The following CELF5 variants were observed in gnomAD, a reference collection of about 807,000 sequenced individuals.
CELF5 encodes CUGBP Elav-like family member 5, also known as CUG-BP and ETR-3 like factor 5.
In CELF5, 6 loss-of-function variants were observed where a neutral mutation model predicts 54.9. The ratio of observed to expected loss-of-function variants is 0.11; its 90% confidence interval spans 0.06 to 0.22. CELF5 has a LOEUF of 0.22. Ranked by LOEUF, CELF5 falls within the 10% of genes least tolerant of loss-of-function variation. The pLI is 1.00. For missense variants in CELF5, 401 were observed against 678.6 expected, an observed-to-expected ratio of 0.59 and a Z score of 4.54; for synonymous variants, 271 against 290.9, an observed-to-expected ratio of 0.93 and a Z score of 0.70.
intron 2 of CELF5, among the ~76,000 whole-genome samples, chr19:3,254,280 C>T (rs2079689066): frequency 6.6e-6 from 1 of 151,984 alleles, no homozygotes; most frequent in African/African-American, 2.4e-5. Context: ...ATGCACCTTT[C>T]CATCCACCCA....
At chr19:3,231,672 A>G (rs973292624) in intron 1 of CELF5, among the ~76,000 whole-genome samples, 1 of 140,446 alleles carries the variant, frequency 7.1e-6, no homozygotes, top group Non-Finnish European at 1.5e-5. Flanking sequence ...GGGTGAATGG[A>G]TGAGCAGGTG....
In CELF5 at chr19:3,260,119, T is replaced by C. The variant is rs185977893; in HGVS notation, c.342+9052T>C. ...CATGCAGTCTATGTATTTCTATTTTTCTTTTTTTATTTATTGAGACAGAGT... is the reference window on the plus strand; with the variant it reads ...CATGCAGTCTATGTATTTCTATTTTCCTTTTTTTATTTATTGAGACAGAGT... On this transcript the variant is annotated intron_variant, in intron 2 of 12. Transcript: ENST00000292672. Among the ~76,000 whole-genome samples, 226 of 152,320 alleles carry C rather than the reference T, an allele frequency of 1.5e-3. 1 individual carries two copies. Among genetic ancestry groups the C allele is most frequent in the Admixed American group, 0.013 (204 of 15,292 alleles).
At chr19:3,261,692 G>A (rs2079808702) in intron 2 of CELF5, among the ~76,000 whole-genome samples, 1 of 151,858 alleles carries the variant, frequency 6.6e-6, no homozygotes, top group South Asian at 2.1e-4. Flanking sequence ...ATGGTGGCAT[G>A]TACCTGTAGT....
rs1568359855 is a variant in CELF5, at chr19:3,281,383, GTCTC to G, written c.750+43_750+46del. ...GTGACAGCTTCGGGGCTCCGGCTCC[GTCTC>G]TCTCAGTCTCTGTCTACTCTCTGTC... On this transcript the variant is annotated intron_variant, in intron 6 of 12. Coordinates refer to ENST00000292672, the MANE Select transcript of CELF5 (RefSeq NM_021938.4). This position sits in a 1 kb window ranked among gnomAD's most constrained non-coding sequence, Gnocchi z 6.5. The G allele has an allele frequency of 6.4e-7, 1 of 1,570,292 alleles. No individual in the cohort carries two copies. The highest frequency in any genetic ancestry group is 8.6e-7 in the Non-Finnish European group (1 of 1,156,144).
chr19:3,265,084 C>G (rs931709375), intron 2 of CELF5, among the ~76,000 whole-genome samples: 3 of 152,100 alleles, frequency 2.0e-5, no homozygotes, highest in African/African-American at 7.2e-5. Context: ...CACCTGTAAT[C>G]CCGGTGCTTT....
At chr19:3,265,575 C>A (rs2145197808) in intron 2 of CELF5, among the ~76,000 whole-genome samples, 1 of 152,238 alleles carries the variant, frequency 6.6e-6, no homozygotes. Context: ...GACACTCCCA[C>A]CCACGCCATG....
At chr19:3,285,587 G>A (rs2080228677) in intron 9 of CELF5, among the ~76,000 whole-genome samples, 1 of 118,024 alleles carries the variant, frequency 8.5e-6, no homozygotes, top group Non-Finnish European at 1.7e-5. Context: ...CGCCCACTCT[G>A]GACTGTCCTG....
rs763122365 is a variant in CELF5 at position 3,282,355 on chromosome 19, T to C, written c.896T>C (p.Leu299Pro). 6.2e-7 allele frequency: 1 copy of C among 1,609,376 alleles called. No homozygotes were observed. The highest frequency in any genetic ancestry group is 8.5e-7 in the Non-Finnish European group (1 of 1,179,966). ...PATPIAPASGLHSPPLLGTTA... is the reference protein window; with the variant it reads ...PATPIAPASGPHSPPLLGTTA... ...ATGACCCTCTTCCGCTCTGCAGGGCTGCACTCACCCCCGCTGCTGGGCACC... is the reference window on the plus strand; with the variant it reads ...ATGACCCTCTTCCGCTCTGCAGGGCCGCACTCACCCCCGCTGCTGGGCACC... The change falls in exon 8 of 13, where the codon CTG becomes CCG. Residue 299 changes from leucine (L) to proline (P), a missense_variant. By Grantham distance (98) the Leu-to-Pro change is moderately conservative (BLOSUM62 -3). Transcript: ENST00000292672. The surrounding 1 kb of genome is among the most constrained non-coding windows in gnomAD (Gnocchi z 5.2).
rs1303133155 is a variant in CELF5, at chr19:3,224,785, C to T, written c.46C>T (p.Leu16Phe). 12 of 1,490,286 alleles carry T rather than the reference C, an allele frequency of 8.1e-6. No individual in the cohort carries two copies. Among genetic ancestry groups the T allele is most frequent in the Admixed American group, 4.8e-5 (2 of 42,020 alleles). The allele number at this position is 1,490,286 out of a possible 1,614,324, so 92.3% of individuals were successfully genotyped here. ...ESEARRQQQQ[L>F]LQPRPSPVGS... The stretch of plus-strand genomic sequence containing the variant: ...CGAGGCGCGCCGGCAGCAGCAGCAG[C>T]TCCTGCAGCCGCGGCCCTCGCCCGT... Residue 16 changes from leucine (L) to phenylalanine (F), a missense_variant, in exon 1 of 13, where the codon CTC becomes TTC. Coordinates refer to ENST00000292672, the MANE Select transcript of CELF5 (RefSeq NM_021938.4).
At chr19:3,272,730 A>T (rs923410359) in intron 2 of CELF5, among the ~76,000 whole-genome samples, 25 of 152,040 alleles carry the variant, frequency 1.6e-4, no homozygotes, top group African/African-American at 5.8e-4. Flanking sequence ...AGGGAGGGGG[A>T]GGAAGGAGCC....
At chr19:3,263,144 G>C (rs2079828959) in intron 2 of CELF5, among the ~76,000 whole-genome samples, 1 of 151,140 alleles carries the variant, frequency 6.6e-6, no homozygotes, top group South Asian at 2.1e-4. Flanking sequence ...CTACTCAGGA[G>C]GCTGAGGCAT....
intron 1 of CELF5, among the ~76,000 whole-genome samples, chr19:3,239,422 G>T (rs1440718070): frequency 6.6e-6 from 1 of 152,006 alleles, no homozygotes; most frequent in Non-Finnish European, 1.5e-5. Context: ...TTTTACTGGA[G>T]ATGGGGTCTC....
intron 2 of CELF5, 43 bp downstream of exon 2, chr19:3,251,110 G>T (rs776564502): frequency 2.0e-6 from 3 of 1,487,092 alleles, no homozygotes; most frequent in South Asian, 2.3e-5. Flanking sequence ...ACAGGGGATG[G>T]CTCTCAGCCT....
intron 2 of CELF5, among the ~76,000 whole-genome samples, chr19:3,271,721 G>C (rs2079968222): frequency 6.6e-6 from 1 of 152,102 alleles, no homozygotes; most frequent in Non-Finnish European, 1.5e-5. Flanking sequence ...TGAGGGGGTG[G>C]GAGGTGGAAA....
rs185106307 is a variant in CELF5 at position 3,265,598 on chromosome 19, C to T, written c.343-8274C>T. On this transcript the variant is annotated intron_variant, in intron 2 of 12. Transcript: ENST00000292672. ...CACCCACGCCATGACAGTTTACAAA[C>T]GCCATGGCAATGTCAGGAAATTATC... Among the ~76,000 whole-genome samples, 35 of 152,204 alleles carry T rather than the reference C, an allele frequency of 2.3e-4. No homozygotes were observed. The South Asian group carries it at 3.5e-3, about 15-fold the overall frequency.
At chr19:3,267,609 C>T (rs368870295) in intron 2 of CELF5, among the ~76,000 whole-genome samples, 1 of 152,320 alleles carries the variant, frequency 6.6e-6, no homozygotes, top group East Asian at 1.9e-4. Flanking sequence ...AGGGAGGGGC[C>T]AGGACCTTTG....
At position 3,245,426 on chromosome 19, in the gene CELF5, G is replaced by A. The variant is rs577856443; in HGVS notation, c.260-5559G>A. On this transcript the variant is annotated intron_variant, in intron 1 of 12. Transcript: ENST00000292672. ...CGTGTGTGTGTGGTGTGTGGTGTGTGTGTGTGTGGTGTTTCTTTCCCTTTC... is the reference window on the plus strand; with the variant it reads ...CGTGTGTGTGTGGTGTGTGGTGTGTATGTGTGTGGTGTTTCTTTCCCTTTC... Among the ~76,000 whole-genome samples the A allele has an allele frequency of 2.8e-3, 430 of 151,698 alleles. 1 individual carries two copies. Among genetic ancestry groups the A allele is most frequent in the African/African-American group, 0.01 (417 of 41,374 alleles).
In CELF5 at chr19:3,275,623, C is replaced by G. The variant is rs541858217; in HGVS notation, c.395-233C>G. On this transcript the variant is annotated intron_variant, in intron 3 of 12. Transcript: ENST00000292672. This position sits in a 1 kb window ranked among gnomAD's most constrained non-coding sequence, Gnocchi z 6.7. Reference sequence around the variant, plus strand: ...AGGGCATTCCAGGCGGGGGCGCCACCTGGGCAAAGGCCGGGAGATGGGAGC... The same window carrying G: ...AGGGCATTCCAGGCGGGGGCGCCACGTGGGCAAAGGCCGGGAGATGGGAGC... Among the ~76,000 whole-genome samples the G allele has an allele frequency of 3.3e-5, 5 of 152,318 alleles. No individual in the cohort carries two copies. Among genetic ancestry groups the G allele is most frequent in the African/African-American group, 1.2e-4 (5 of 41,574 alleles).
At chr19:3,243,108 C>A (rs1186052138) in intron 1 of CELF5, among the ~76,000 whole-genome samples, 1 of 152,150 alleles carries the variant, frequency 6.6e-6, no homozygotes, top group African/African-American at 2.4e-5. Context: ...ATAGGGGCTA[C>A]TATGAGTATT....
Sources: allele counts gnomAD v4.1 joint callset (sites outside exome capture counted in the v4.1 genomes callset), GRCh38; gene constraint gnomAD v4.1.1; non-coding constraint Gnocchi (gnomAD v3.1); transcripts MANE v1.5; gene names NCBI Gene and HGNC (gene_info 2026-07-23, HGNC 2026-07-21).